Variants in DNAH14 observed in about 807,000 individuals in gnomAD.
DNAH14 encodes axonemal beta dynein heavy chain 14.
DNAH14 carries 478 observed loss-of-function variants against 520.9 expected under a neutral mutation model. The observed-to-expected ratio is 0.92, with a 90% CI of 0.85 to 0.99. DNAH14 has a LOEUF of 0.99. DNAH14 is among the 50% of genes least tolerant of loss of function. DNAH14 has a pLI of 0.00. For synonymous variants in DNAH14, 1,581 were observed against 1,757.2 expected, an observed-to-expected ratio of 0.90 and a Z score of 2.51; for missense variants, 4,831 against 5,234.5, an observed-to-expected ratio of 0.92 and a Z score of 2.38.
intron 77 of DNAH14, 58 bp from the exon 78 acceptor site, chr1:225,374,630 A>G (rs1388503498): frequency 2.2e-6 from 3 of 1,374,012 alleles, no homozygotes; most frequent in South Asian, 1.6e-5. Context: ...TTAAAAAGTC[A>G]GAGTGAGTAA....
At chr1:225,365,457 T>C (rs1468401859) in intron 76 of DNAH14, among the ~76,000 whole-genome samples, 1 of 152,170 alleles carries the variant, frequency 6.6e-6, no homozygotes, top group Non-Finnish European at 1.5e-5. Context: ...CCCGATCACG[T>C]GCACACTACC....
intron 1 of DNAH14, among the ~76,000 whole-genome samples, chr1:224,952,265 C>G (rs2060228186): frequency 6.6e-6 from 1 of 152,124 alleles, no homozygotes; most frequent in Admixed American, 6.5e-5. Flanking sequence ...CCTTTTAGTG[C>G]TTAGTGAATG....
At chr1:225,174,710 T>TAC (rs1559184202) in intron 36 of DNAH14, among the ~76,000 whole-genome samples, 2 of 151,982 alleles carry the variant, frequency 1.3e-5, no homozygotes, top group Non-Finnish European at 2.9e-5. Flanking sequence ...CAGTAACATA[T>TAC]TGAGGAAATG....
At chr1:225,229,418 G>A (rs1558094428) in intron 41 of DNAH14, among the ~76,000 whole-genome samples, 2 of 152,108 alleles carry the variant, frequency 1.3e-5, no homozygotes, top group Non-Finnish European at 2.9e-5. Context: ...CCATTACTGG[G>A]TATATACCCA....
At chr1:225,388,803 G>A (rs2095870825) in intron 82 of DNAH14, among the ~76,000 whole-genome samples, 1 of 151,900 alleles carries the variant, frequency 6.6e-6, no homozygotes, top group South Asian at 2.1e-4. Context: ...TGAGCCAAGA[G>A]TCTCCCTCTG....
intron 83 of DNAH14, among the ~76,000 whole-genome samples, chr1:225,391,625 G>T (rs1018652010): frequency 3.9e-5 from 6 of 152,060 alleles, no homozygotes; most frequent in African/African-American, 7.2e-5. Context: ...GACAGGGGTG[G>T]GGGGAGAAGG....
At chr1:225,330,208 A>G (rs752826810) in intron 64 of DNAH14, among the ~76,000 whole-genome samples, 4 of 152,168 alleles carry the variant, frequency 2.6e-5, no homozygotes, top group Non-Finnish European at 5.9e-5. Flanking sequence ...GCTCGTGGGA[A>G]CATAAATTAG....
rs1574035858 is a variant in DNAH14 at position 225,213,819 on chromosome 1, G to C, written c.6439+6599G>C. On this transcript the variant is annotated intron_variant, in intron 41 of 85. Coordinates refer to ENST00000682510, the MANE Select transcript of DNAH14 (RefSeq NM_001367479.1). ...AAGGAGATTTTGGGCTGAGACGATG[G>C]GGTTTTCTAGATATACACTCATGTC... Among the ~76,000 whole-genome samples, 6 of 152,214 alleles carry C rather than the reference G, an allele frequency of 3.9e-5. No homozygotes were observed. In the South Asian group the frequency reaches 1.2e-3, roughly 32 times the overall value.
At chr1:225,317,385 C>G (rs2150172212) in intron 60 of DNAH14, among the ~76,000 whole-genome samples, 1 of 151,948 alleles carries the variant, frequency 6.6e-6, no homozygotes, top group Admixed American at 6.6e-5. Context: ...TCAGAATAAC[C>G]TCTACTGATT....
chr1:224,976,294 T>C (rs911967284), intron 8 of DNAH14, among the ~76,000 whole-genome samples: 1 of 152,150 alleles, frequency 6.6e-6, no homozygotes, highest in Non-Finnish European at 1.5e-5. Flanking sequence ...TAACTTTCTG[T>C]CTTGTTGATG....
chr1:225,124,166 A>T (rs1344780759), intron 27 of DNAH14, among the ~76,000 whole-genome samples: 1 of 152,212 alleles, frequency 6.6e-6, no homozygotes, highest in Non-Finnish European at 1.5e-5. Flanking sequence ...TCAGCAAGTC[A>T]TAATATTGTT....
chr1:224,991,812 G>A (rs2063074604), intron 8 of DNAH14, among the ~76,000 whole-genome samples: 2 of 152,044 alleles, frequency 1.3e-5, no homozygotes, highest in Non-Finnish European at 2.9e-5. Context: ...TGGACATTTG[G>A]GTTGATTCCA....
chr1:224,970,374 T>A (rs113336538), intron 7 of DNAH14, among the ~76,000 whole-genome samples: 8,370 of 152,194 alleles, frequency 0.055, 465 homozygotes, highest in East Asian at 0.24. Flanking sequence ...ATTGGCAATT[T>A]TAATTTCGCC....
At chr1:225,296,046 A>G (rs2093999119) in intron 55 of DNAH14, among the ~76,000 whole-genome samples, 1 of 152,090 alleles carries the variant, frequency 6.6e-6, no homozygotes, top group Admixed American at 6.6e-5. Context: ...ACCTGATATA[A>G]ATATAGCTAC....
At chr1:224,937,356 G>A (rs1182513825) in intron 1 of DNAH14, among the ~76,000 whole-genome samples, 2 of 151,912 alleles carry the variant, frequency 1.3e-5, no homozygotes, top group Non-Finnish European at 2.9e-5. Context: ...ATTCAGTAAA[G>A]TTGCAAGTTA....
intron 1 of DNAH14, among the ~76,000 whole-genome samples, chr1:224,938,768 A>G (rs151005252): frequency 6.6e-6 from 1 of 152,384 alleles, no homozygotes; most frequent in African/African-American, 2.4e-5. Flanking sequence ...TATTCATAGT[A>G]GCCAAAATAT....
chr1:225,385,427 G>A (rs183203603), intron 81 of DNAH14, among the ~76,000 whole-genome samples: 1 of 152,282 alleles, frequency 6.6e-6, no homozygotes, highest in African/African-American at 2.4e-5. Flanking sequence ...TAGGAAAAGA[G>A]GAAGTCAAAT....
intron 12 of DNAH14, 92 bp downstream of exon 12, chr1:225,038,915 A>G: frequency 1.7e-6 from 2 of 1,163,678 alleles, no homozygotes; most frequent in South Asian, 3.6e-5. Flanking sequence ...ATTAATACCC[A>G]CAAGCCCTTA....
chr1:225,374,273 T>G (rs2095667027), intron 77 of DNAH14, among the ~76,000 whole-genome samples: 1 of 129,792 alleles, frequency 7.7e-6, no homozygotes, highest in African/African-American at 3.1e-5. Flanking sequence ...TATATATATT[T>G]TTTTTTGAGA....
Sources: gnomAD v4.1 joint callset for allele counts (sites outside exome capture counted in the v4.1 genomes callset) on GRCh38, gnomAD v4.1.1 for gene constraint, MANE v1.5 for transcripts, NCBI Gene and HGNC (gene_info 2026-07-23, HGNC 2026-07-21) for gene names.